AIG1: variants seen among roughly 807,000 people sequenced by gnomAD.
AIG1 encodes the protein androgen induced 1.
AIG1 carries 23 observed loss-of-function variants against 31.4 expected under a neutral mutation model. The observed-to-expected ratio is 0.73, with a 90% CI of 0.53 to 1.04. The LOEUF is 1.04. Among genes scored for constraint, AIG1 ranks in the 50% least tolerant of loss-of-function variants. The pLI, the probability that AIG1 is intolerant of heterozygous loss-of-function variation, is 0.00. For missense variants in AIG1, 274 were observed against 295.0 expected, an observed-to-expected ratio of 0.93 and a Z score of 0.52; for synonymous variants, 100 against 110.5, an observed-to-expected ratio of 0.90 and a Z score of 0.60.
intron 2 of AIG1, among the ~76,000 whole-genome samples, chr6:143,161,845 C>T (rs1163626470): frequency 6.6e-6 from 1 of 152,014 alleles, no homozygotes; most frequent in Non-Finnish European, 1.5e-5. Context: ...TAATATCAGA[C>T]TTAAGTGTGG....
intron 3 of AIG1, among the ~76,000 whole-genome samples, chr6:143,235,436 G>T (rs1013624735): frequency 6.6e-6 from 1 of 152,192 alleles, no homozygotes; most frequent in East Asian, 1.9e-4. Flanking sequence ...GGCAGGGAAG[G>T]TATGTGGGAA....
chr6:143,105,008 G>A (rs541986236), intron 1 of AIG1, among the ~76,000 whole-genome samples: 1 of 152,158 alleles, frequency 6.6e-6, no homozygotes, highest in Non-Finnish European at 1.5e-5. Flanking sequence ...GCATAAAATG[G>A]CATATTAACA....
rs1356229865 is a variant in AIG1, at chr6:143,299,841, C to A, written c.515+15616C>A. Among the ~76,000 whole-genome samples, 4 of 152,176 alleles carry A rather than the reference C, an allele frequency of 2.6e-5. No homozygotes were observed. The highest frequency in any genetic ancestry group is 9.7e-5 in the African/African-American group (4 of 41,442). Reference sequence around the variant, plus strand: ...TTTCCTTCCAGGTCTCACTGCCATTCCCAATCTAACCTTGAGTCTGAGATC... The same window carrying A: ...TTTCCTTCCAGGTCTCACTGCCATTACCAATCTAACCTTGAGTCTGAGATC... On this transcript the variant is annotated intron_variant, in intron 4 of 5. Coordinates refer to ENST00000357847, the MANE Select transcript of AIG1 (RefSeq NM_016108.4). This position sits in a 1 kb window ranked among gnomAD's most constrained non-coding sequence, Gnocchi z 4.1.
At chr6:143,196,160 A>G (rs1204636492) in intron 3 of AIG1, among the ~76,000 whole-genome samples, 1 of 152,220 alleles carries the variant, frequency 6.6e-6, no homozygotes, top group African/African-American at 2.4e-5. Flanking sequence ...GTCATCCAGA[A>G]TAATCCTTTT....
At chr6:143,089,828 A>G (rs1779138545) in intron 1 of AIG1, among the ~76,000 whole-genome samples, 1 of 152,148 alleles carries the variant, frequency 6.6e-6, no homozygotes, top group Admixed American at 6.5e-5. Flanking sequence ...GGATTTACCT[A>G]TTCCTGAGTG....
chr6:143,312,397 C>T, intron 4 of AIG1, among the ~76,000 whole-genome samples: 1 of 151,822 alleles, frequency 6.6e-6, no homozygotes, highest in South Asian at 2.1e-4. Context: ...AACCCAGAAA[C>T]AAATCCAAAG....
intron 1 of AIG1, among the ~76,000 whole-genome samples, chr6:143,136,036 C>A (rs933442480): frequency 6.6e-6 from 1 of 152,088 alleles, no homozygotes; most frequent in African/African-American, 2.4e-5. Flanking sequence ...TTGCAATAGT[C>A]CAAGTAAATA....
In AIG1 at chr6:143,107,034, TAG is replaced by T. The variant is rs529161288; in HGVS notation, c.142-29795_142-29794del. Among the ~76,000 whole-genome samples, 35 of 152,334 alleles carry T rather than the reference TAG, an allele frequency of 2.3e-4. No homozygotes were observed. The East Asian group carries it at 6.4e-3, about 28-fold the overall frequency. On this transcript the variant is annotated intron_variant, in intron 1 of 5. Transcript: ENST00000357847. ...GTGTGGAGTTGCAACATATGAAAGTTAGAGAGACACACACATTCAAACCATAG... is the reference window on the plus strand; with the variant it reads ...GTGTGGAGTTGCAACATATGAAAGTTAGAGACACACACATTCAAACCATAG...
At chr6:143,083,148 G>A (rs1353340005) in intron 1 of AIG1, among the ~76,000 whole-genome samples, 1 of 152,232 alleles carries the variant, frequency 6.6e-6, no homozygotes, top group African/African-American at 2.4e-5. Context: ...TTAACCTGCT[G>A]TAAGCAGAGC....
Position 143,188,595 on chromosome 6 carries a change from A to G in AIG1, c.399+23412A>G, listed in dbSNP as rs1040434947. 2.9e-5 allele frequency: 29 copies of G among 985,174 alleles called. No individual in the cohort carries two copies. In the Admixed American group the frequency reaches 1.0e-3, roughly 36 times the overall value. The allele number at this position is 985,174 out of a possible 1,614,324, so 61.0% of individuals were successfully genotyped here. On this transcript the variant is annotated intron_variant, in intron 3 of 5. Coordinates refer to ENST00000357847, the MANE Select transcript of AIG1 (RefSeq NM_016108.4). ...GAAGATTTCAGGGTACAAGTCATCT[A>G]TTCTCTTATGCCAGCTCTCAGATTT...
At chr6:143,125,933 AG>A (rs1291626692) in intron 1 of AIG1, among the ~76,000 whole-genome samples, 1 of 152,156 alleles carries the variant, frequency 6.6e-6, no homozygotes, top group East Asian at 1.9e-4. Context: ...AATGAGATGG[AG>A]CAGTATGAGG....
intron 1 of AIG1, among the ~76,000 whole-genome samples, chr6:143,096,128 G>A (rs1219337520): frequency 4.0e-5 from 6 of 151,790 alleles, no homozygotes; most frequent in Non-Finnish European, 7.4e-5. Flanking sequence ...GGGTGGTCTC[G>A]ATCTCCTGAC....
intron 1 of AIG1, among the ~76,000 whole-genome samples, chr6:143,104,226 G>T (rs1780594081): frequency 6.6e-6 from 1 of 152,136 alleles, no homozygotes; most frequent in African/African-American, 2.4e-5. Flanking sequence ...AAATAGAAAT[G>T]ATGCTACAAT....
intron 2 of AIG1, among the ~76,000 whole-genome samples, chr6:143,142,922 G>A (rs530959172): frequency 6.6e-6 from 1 of 152,256 alleles, no homozygotes. Context: ...ATTCCCAAAA[G>A]TCTTCGTTTG....
Position 143,187,827 on chromosome 6 carries a change from C to T in AIG1, c.399+22644C>T. ...GCCAAGTTGATGAAATACGGGCCTTCAAGAAGTGCCATTTCTCAAGCGATG... is the reference window on the plus strand; with the variant it reads ...GCCAAGTTGATGAAATACGGGCCTTTAAGAAGTGCCATTTCTCAAGCGATG... On this transcript the variant is annotated intron_variant, in intron 3 of 5. Coordinates refer to ENST00000357847, the MANE Select transcript of AIG1 (RefSeq NM_016108.4). 6 of 1,466,112 alleles carry T rather than the reference C, an allele frequency of 4.1e-6. No individual in the cohort carries two copies. The South Asian group carries it at 7.0e-5, about 17-fold the overall frequency. The allele number at this position is 1,466,112 out of a possible 1,614,324, so 90.8% of individuals were successfully genotyped here. A position where few individuals can be genotyped will look rare whatever the true frequency, so the allele number is the denominator to read the frequency against.
At chr6:143,275,390 C>G (rs1400364621) in intron 3 of AIG1, among the ~76,000 whole-genome samples, 1 of 152,124 alleles carries the variant, frequency 6.6e-6, no homozygotes, top group African/African-American at 2.4e-5. Flanking sequence ...TTTGTTTCTC[C>G]TACTTCTCTA....
chr6:143,273,203 G>A (rs1276027912), intron 3 of AIG1, among the ~76,000 whole-genome samples: 1 of 152,202 alleles, frequency 6.6e-6, no homozygotes, highest in Non-Finnish European at 1.5e-5. Context: ...GCCATACTCT[G>A]ACATTGCAGG....
At chr6:143,155,948 G>A (rs1476214358) in intron 2 of AIG1, among the ~76,000 whole-genome samples, 4 of 152,160 alleles carry the variant, frequency 2.6e-5, no homozygotes, top group South Asian at 2.1e-4. Context: ...GAGTTAAAGA[G>A]AACTGAAACC....
At chr6:143,068,222 GT>G (rs111868835) in intron 1 of AIG1, among the ~76,000 whole-genome samples, 5,962 of 152,254 alleles carry the variant, frequency 0.039, 153 homozygotes, top group African/African-American at 0.067. Flanking sequence ...GTTTTCATTT[GT>G]TTCTGTGTGT....
Sources: gnomAD v4.1 joint callset for allele counts (sites outside exome capture counted in the v4.1 genomes callset) on GRCh38, gnomAD v4.1.1 for gene constraint, Gnocchi (gnomAD v3.1) non-coding constraint, MANE v1.5 for transcripts, NCBI Gene and HGNC (gene_info 2026-07-23, HGNC 2026-07-21) for gene names.